Variants in NEDD4L observed in about 807,000 individuals in gnomAD.
NEDD4L encodes E3 ubiquitin-protein ligase NEDD4-like.
In NEDD4L, 54 loss-of-function variants were observed where a neutral mutation model predicts 148.9. That is an observed-to-expected ratio of 0.36 (90% confidence interval 0.29 to 0.45). The LOEUF (loss-of-function observed/expected upper bound fraction) is 0.45, where lower values mean the gene tolerates loss of function less well. Among genes scored for constraint, NEDD4L ranks in the 20% least tolerant of loss-of-function variants. The pLI is 1.00. For synonymous variants in NEDD4L, 433 were observed against 440.7 expected, an observed-to-expected ratio of 0.98 and a Z score of 0.22; for missense variants, 856 against 1,233.8, an observed-to-expected ratio of 0.69 and a Z score of 4.59.
chr18:58,324,032 G>A (rs546511860), intron 8 of NEDD4L, among the ~76,000 whole-genome samples: 1 of 152,308 alleles, frequency 6.6e-6, no homozygotes, highest in East Asian at 1.9e-4. Flanking sequence ...TGAATAATGT[G>A]TGTGGAGAAG....
chr18:58,245,910 C>T (rs865882178), intron 3 of NEDD4L, among the ~76,000 whole-genome samples: 9 of 141,932 alleles, frequency 6.3e-5, no homozygotes, highest in African/African-American at 2.1e-4. Flanking sequence ...GTTGGCCAGA[C>T]TGGCCTTGAA....
chr18:58,141,582 T>C (rs1034423764), intron 1 of NEDD4L, among the ~76,000 whole-genome samples: 1 of 152,186 alleles, frequency 6.6e-6, no homozygotes, highest in African/African-American at 2.4e-5. Context: ...AATTCCTGAT[T>C]GTGTACAGGA....
intron 16 of NEDD4L, among the ~76,000 whole-genome samples, chr18:58,345,944 A>G (rs1299025767): frequency 6.9e-6 from 1 of 144,356 alleles, no homozygotes; most frequent in Non-Finnish European, 1.5e-5. Flanking sequence ...TTTTTAGCAC[A>G]GACAGGGTTT....
chr18:58,110,691 G>A (rs1393464716), intron 1 of NEDD4L, among the ~76,000 whole-genome samples: 2 of 152,178 alleles, frequency 1.3e-5, no homozygotes, highest in East Asian at 3.8e-4. Context: ...GGGGATTTTG[G>A]TGGTGTTTTT....
chr18:58,097,303 TG>T (rs2084475813), intron 1 of NEDD4L, among the ~76,000 whole-genome samples: 1 of 152,346 alleles, frequency 6.6e-6, no homozygotes, highest in East Asian at 1.9e-4. Flanking sequence ...TCTGAATTTT[TG>T]CCCAGGCCAT....
intron 1 of NEDD4L, among the ~76,000 whole-genome samples, chr18:58,113,961 G>A (rs2085590635): frequency 1.3e-5 from 2 of 152,148 alleles, no homozygotes; most frequent in Admixed American, 1.3e-4. Flanking sequence ...CAGTGCCCAC[G>A]TTTTCTGTCC....
chr18:58,359,065 G>T (rs1377552419), intron 19 of NEDD4L, among the ~76,000 whole-genome samples: 1 of 151,914 alleles, frequency 6.6e-6, no homozygotes. Context: ...TGTCCATTAG[G>T]TCAAGCCTGT....
rs1477773871 is a variant in NEDD4L, at chr18:58,131,602, G to A, written c.49-34186G>A. ...TTGGTTGTGATCTAGTGGAACTGTG[G>A]CAGTGTTGGCCTTTGTTGGAATTTG... is the stretch of plus-strand genomic sequence containing the variant. On this transcript the variant is annotated intron_variant, in intron 1 of 30. Transcript: ENST00000400345. Among the ~76,000 whole-genome samples the A allele has an allele frequency of 4.6e-5, 7 of 151,378 alleles. No homozygotes were observed. In the East Asian group the frequency reaches 1.2e-3, roughly 25 times the overall value.
chr18:58,216,882 G>A (rs1270614225), intron 2 of NEDD4L, among the ~76,000 whole-genome samples: 1 of 152,144 alleles, frequency 6.6e-6, no homozygotes, highest in African/African-American at 2.4e-5. Flanking sequence ...ATGTGATCAG[G>A]ATCCTAAGTA....
At chr18:58,332,315 A>G (rs2041095899) in intron 11 of NEDD4L, among the ~76,000 whole-genome samples, 1 of 152,132 alleles carries the variant, frequency 6.6e-6, no homozygotes, top group African/African-American at 2.4e-5. Context: ...GTCAAATCGG[A>G]TATTTGCTCA....
chr18:58,258,520 G>A (rs1253724847), intron 5 of NEDD4L, among the ~76,000 whole-genome samples: 2 of 152,040 alleles, frequency 1.3e-5, no homozygotes, highest in African/African-American at 4.8e-5. Flanking sequence ...AAAACAAATC[G>A]AATAAACTAA....
intron 2 of NEDD4L, among the ~76,000 whole-genome samples, chr18:58,184,756 G>T (rs549337522): frequency 1.3e-5 from 2 of 151,976 alleles, no homozygotes; most frequent in African/African-American, 4.8e-5. Flanking sequence ...GTGAAACCCC[G>T]TCTCTACTAA....
chr18:58,375,142 C>T lies in NEDD4L; in HGVS notation c.2352+1873C>T, dbSNP rs975177329. ...CTCTCCTCATGCCATCTCCCCTCCT[C>T]ATGCCATCTCCCCGTGCCCAGGCTT... is the stretch of plus-strand genomic sequence containing the variant. On this transcript the variant is annotated intron_variant, in intron 24 of 30. Transcript: ENST00000400345. Among the ~76,000 whole-genome samples, 3 of 152,164 alleles carry T rather than the reference C, an allele frequency of 2.0e-5. No individual in the cohort carries two copies. In the South Asian group the frequency reaches 6.2e-4, roughly 32 times the overall value.
rs528433770 is a variant in NEDD4L, at chr18:58,383,097, T to C, written c.2353-149T>C. On this transcript the variant is annotated intron_variant, in intron 24 of 30. Transcript: ENST00000400345. Reference sequence around the variant, plus strand: ...GTAACATCCTAGCAAAAAAGCCTCATTGGACATTCTCTTGTGCACAGAGCC... The same window carrying C: ...GTAACATCCTAGCAAAAAAGCCTCACTGGACATTCTCTTGTGCACAGAGCC... 7.2e-6 allele frequency: 4 copies of C among 557,528 alleles called. 1 individual carries two copies. Among genetic ancestry groups the C allele is most frequent in the South Asian group, 5.1e-5 (2 of 39,432 alleles). 34.5% of individuals were successfully genotyped at this position (557,528 alleles called of 1,614,324 possible). A position where few individuals can be genotyped will look rare whatever the true frequency, so the allele number is the denominator to read the frequency against.
rs570081349 is a variant in NEDD4L at position 58,322,562 on chromosome 18, C to A, written c.410+76C>A. The A allele has an allele frequency of 7.2e-5, 47 of 651,690 alleles. No individual in the cohort carries two copies. The African/African-American group carries it at 8.6e-4, about 12-fold the overall frequency. The allele number at this position is 651,690 out of a possible 1,614,324, so 40.4% of individuals were successfully genotyped here. On this transcript the variant is annotated intron_variant, in intron 7 of 30. Transcript: ENST00000400345. ...GGTATAGGTGGGGATGCCTGCCCTGCGTGCTGTGGATATGGGTGGGTGGGG... is the reference window on the plus strand; with the variant it reads ...GGTATAGGTGGGGATGCCTGCCCTGAGTGCTGTGGATATGGGTGGGTGGGG...
At chr18:58,147,507 G>A (rs569731245) in intron 1 of NEDD4L, among the ~76,000 whole-genome samples, 51 of 152,332 alleles carry the variant, frequency 3.3e-4, no homozygotes, top group South Asian at 4.1e-4. Flanking sequence ...GCTTGGAGAA[G>A]ATACTTGTTC....
At chr18:58,218,843 G>C (rs1467550902) in intron 2 of NEDD4L, among the ~76,000 whole-genome samples, 1 of 152,184 alleles carries the variant, frequency 6.6e-6, no homozygotes, top group African/African-American at 2.4e-5. Flanking sequence ...CATGGTGGCA[G>C]TTTTCATTTT....
intron 2 of NEDD4L, among the ~76,000 whole-genome samples, chr18:58,194,853 T>TA (rs960743968): frequency 5.3e-5 from 8 of 152,204 alleles, no homozygotes; most frequent in East Asian, 1.9e-4. Flanking sequence ...CAAGAAAATG[T>TA]AAAAAAAGCA....
At chr18:58,257,585 C>A (rs2048774625) in intron 5 of NEDD4L, among the ~76,000 whole-genome samples, 1 of 152,108 alleles carries the variant, frequency 6.6e-6, no homozygotes, top group Non-Finnish European at 1.5e-5. Flanking sequence ...ATAGTAAGTA[C>A]CCTGTCTCCA....
Sources: allele counts gnomAD v4.1 joint callset (sites outside exome capture counted in the v4.1 genomes callset), GRCh38; gene constraint gnomAD v4.1.1; transcripts MANE v1.5; gene names NCBI Gene and HGNC (gene_info 2026-07-23, HGNC 2026-07-21).